The following MALRD1 variants were observed in gnomAD, a reference collection of about 807,000 sequenced individuals.
The protein encoded by MALRD1 is MAM and LDL receptor class A domain containing 1.
A neutral mutation model predicts 242.1 loss-of-function variants in MALRD1; 247 were observed. The ratio of observed to expected loss-of-function variants is 1.02; its 90% CI spans 0.92 to 1.13. MALRD1 has a LOEUF of 1.13. Ranked by LOEUF, MALRD1 falls within the 50% of genes most tolerant of loss-of-function variation. MALRD1 has a pLI of 0.00. For synonymous variants in MALRD1, 995 were observed against 866.6 expected, an observed-to-expected ratio of 1.15 and a Z score of -2.60; for missense variants, 2,989 against 2,533.1, an observed-to-expected ratio of 1.18 and a Z score of -3.86.
chr10:19,705,046 C>A (rs188014588), intron 38 of MALRD1, among the ~76,000 whole-genome samples: 1 of 152,252 alleles, frequency 6.6e-6, no homozygotes, highest in Non-Finnish European at 1.5e-5. Flanking sequence ...GTGAGAGGTA[C>A]AGAATATTGT....
intron 36 of MALRD1, among the ~76,000 whole-genome samples, chr10:19,676,673 ATTATT>A (rs1254207135): frequency 1.3e-5 from 2 of 152,162 alleles, no homozygotes; most frequent in East Asian, 3.9e-4. Flanking sequence ...GTTTTATTGT[ATTATT>A]TTATTTTAGT....
chr10:19,246,717 G>A (rs1366154589), intron 18 of MALRD1, among the ~76,000 whole-genome samples: 1 of 152,102 alleles, frequency 6.6e-6, no homozygotes, highest in Non-Finnish European at 1.5e-5. Flanking sequence ...CTGTTGAGCT[G>A]CCAGATAATG....
At chr10:19,379,139 G>C (rs1845730135) in intron 26 of MALRD1, among the ~76,000 whole-genome samples, 1 of 151,920 alleles carries the variant, frequency 6.6e-6, no homozygotes, top group Non-Finnish European at 1.5e-5. Flanking sequence ...ACAACATGTA[G>C]TGATATCTTG....
At chr10:19,566,437 C>A (rs1270430328) in intron 32 of MALRD1, among the ~76,000 whole-genome samples, 1 of 151,484 alleles carries the variant, frequency 6.6e-6, no homozygotes, top group Non-Finnish European at 1.5e-5. Context: ...CCACGCCAGG[C>A]CATATTTTAT....
chr10:19,528,240 T>A (rs1456187933), intron 31 of MALRD1, among the ~76,000 whole-genome samples: 2 of 152,216 alleles, frequency 1.3e-5, no homozygotes, highest in Non-Finnish European at 2.9e-5. Context: ...TCATGTGTAA[T>A]CTTTTGTACT....
intron 28 of MALRD1, among the ~76,000 whole-genome samples, chr10:19,408,610 G>T (rs930204713): frequency 6.6e-6 from 1 of 152,040 alleles, no homozygotes; most frequent in African/African-American, 2.4e-5. Context: ...ATGGGCAAAA[G>T]ATATAAAGAG....
chr10:19,247,147 A>G (rs1042345582), intron 18 of MALRD1, among the ~76,000 whole-genome samples: 13 of 152,152 alleles, frequency 8.5e-5, no homozygotes, highest in Non-Finnish European at 2.9e-5. Context: ...CTGAAGATCC[A>G]GAAAGTTCTT....
intron 10 of MALRD1, among the ~76,000 whole-genome samples, chr10:19,139,920 G>C (rs1833481117): frequency 1.3e-5 from 2 of 152,002 alleles, no homozygotes; most frequent in African/African-American, 4.8e-5. Context: ...AGACAGCTAG[G>C]GGAAGAAACA....
At chr10:19,260,441 G>A (rs1359357966) in intron 19 of MALRD1, among the ~76,000 whole-genome samples, 1 of 152,074 alleles carries the variant, frequency 6.6e-6, no homozygotes, top group Non-Finnish European at 1.5e-5. Context: ...GGAAAAAAAA[G>A]CATATTTGAA....
At chr10:19,182,960 A>C (rs148383577) in intron 14 of MALRD1, among the ~76,000 whole-genome samples, 160 of 152,256 alleles carry the variant, frequency 1.1e-3, no homozygotes, top group Non-Finnish European at 2.0e-3. Flanking sequence ...AATTGCTTTT[A>C]ATTCCTATAG....
chr10:19,088,559 T>C (rs1250933032), intron 4 of MALRD1, among the ~76,000 whole-genome samples: 1 of 115,064 alleles, frequency 8.7e-6, no homozygotes, highest in Non-Finnish European at 1.8e-5. Flanking sequence ...TTTTATTTTA[T>C]AAAGTTTTTT....
At chr10:19,534,871 TTTGTTG>T (rs10606895) in intron 32 of MALRD1, among the ~76,000 whole-genome samples, 7 of 151,254 alleles carry the variant, frequency 4.6e-5, no homozygotes, top group South Asian at 2.1e-4. Flanking sequence ...TTATAAAGTT[TTTGTTG>T]TTGTTGTTGT....
intron 2 of MALRD1, among the ~76,000 whole-genome samples, chr10:19,071,305 T>TC (rs543591497): frequency 6.7e-6 from 1 of 149,234 alleles, no homozygotes; most frequent in Non-Finnish European, 1.5e-5. Context: ...GGCACTCATT[T>TC]TTTTTTTTTC....
chr10:19,280,994 CAGAG>C (rs1241115347), intron 20 of MALRD1, among the ~76,000 whole-genome samples: 1 of 152,144 alleles, frequency 6.6e-6, no homozygotes, highest in South Asian at 2.1e-4. Flanking sequence ...ACAGATAACA[CAGAG>C]AGAGTAGTGA....
At chr10:19,624,524 A>T (rs1274295525) in intron 36 of MALRD1, among the ~76,000 whole-genome samples, 2 of 152,244 alleles carry the variant, frequency 1.3e-5, no homozygotes, top group South Asian at 4.1e-4. Context: ...TGGTCATGAC[A>T]TAAACCTGTG....
intron 38 of MALRD1, among the ~76,000 whole-genome samples, chr10:19,703,239 A>G (rs1833701568): frequency 6.6e-6 from 1 of 152,180 alleles, no homozygotes; most frequent in Non-Finnish European, 1.5e-5. Flanking sequence ...TCTGCCTCTC[A>G]TCTCTGTTTC....
chr10:19,201,507 A>G (rs1210844721), intron 14 of MALRD1, among the ~76,000 whole-genome samples: 1 of 152,204 alleles, frequency 6.6e-6, no homozygotes, highest in Non-Finnish European at 1.5e-5. Context: ...TTATACATTA[A>G]TAATAACCTG....
chr10:19,266,422 A>T (rs1003763320), intron 19 of MALRD1, among the ~76,000 whole-genome samples: 1 of 151,974 alleles, frequency 6.6e-6, no homozygotes, highest in African/African-American at 2.4e-5. Flanking sequence ...GCTTATAAAA[A>T]CCAGCTTATA....
intron 26 of MALRD1, among the ~76,000 whole-genome samples, chr10:19,382,269 C>T (rs2130788763): frequency 6.6e-6 from 1 of 152,120 alleles, no homozygotes; most frequent in Admixed American, 6.5e-5. Context: ...TTGACATTCA[C>T]AACAGGCCTG....
Sources: gnomAD v4.1 joint callset for allele counts (sites outside exome capture counted in the v4.1 genomes callset) on GRCh38, gnomAD v4.1.1 for gene constraint, MANE v1.5 for transcripts, NCBI Gene and HGNC (gene_info 2026-07-23, HGNC 2026-07-21) for gene names.